USP54: variants seen among roughly 807,000 people sequenced by gnomAD.
USP54 encodes the protein ubiquitin specific peptidase 54, also known as ubiquitin carboxyl-terminal hydrolase 54.
USP54 carries 87 observed loss-of-function variants against 170.5 expected under a neutral mutation model. The ratio of observed to expected loss-of-function variants is 0.51; its 90% CI spans 0.43 to 0.61. USP54 has a LOEUF of 0.61. Among genes scored for constraint, USP54 ranks in the 20% least tolerant of loss-of-function variants. USP54 has a pLI of 0.00. For synonymous variants in USP54, 655 were observed against 742.8 expected (o/e 0.88, Z 1.92); for missense variants, 1,786 against 2,047.8 (o/e 0.87, Z 2.47).
chr10:73,545,621 T>C lies in USP54; in HGVS notation c.292A>G (p.Thr98Ala), dbSNP rs544511191. 6.8e-6 allele frequency: 11 copies of C among 1,614,092 alleles called. No individual in the cohort carries two copies. In the African/African-American group the frequency reaches 1.3e-4, roughly 20 times the overall value. ...CSSEKVLPSD[T>A]LRSALAKTFQ... is the part of the protein sequence containing the mutation. ...GTCTTTGCCAGAGCACTGCGGAGAG[T>C]GTCAGATGGAAGCACTTTTTCACTA... Residue 98 changes from threonine to alanine, a missense_variant, in exon 5 of 24, where the codon ACT (threonine) becomes GCT (alanine). By Grantham distance (58) the Thr-to-Ala change is moderately conservative. Around this residue, in one of 3 missense-constraint regions of USP54, gnomAD observed 361 missense variants for 455.0 expected, o/e 0.79. Transcript: ENST00000687698.
At chr10:73,561,432 C>T (rs181740774) in intron 4 of USP54, among the ~76,000 whole-genome samples, 39 of 152,140 alleles carry the variant, frequency 2.6e-4, no homozygotes, top group African/African-American at 8.9e-4. Context: ...TAAGGCCAGC[C>T]TGGACAACAT....
At chr10:73,562,415 C>T (rs911994830) in intron 4 of USP54, among the ~76,000 whole-genome samples, 3 of 152,208 alleles carry the variant, frequency 2.0e-5, no homozygotes, top group Non-Finnish European at 4.4e-5. Flanking sequence ...TTCTACAGAA[C>T]ACAACTATCC....
chr10:73,617,075 A>G (rs2080701753), intron 1 of USP54, among the ~76,000 whole-genome samples: 1 of 150,580 alleles, frequency 6.6e-6, no homozygotes, highest in Admixed American at 6.6e-5. Context: ...AGGCGGGCAG[A>G]TCACCTAAGG....
intron 20 of USP54, among the ~76,000 whole-genome samples, chr10:73,509,871 G>T (rs868550094): frequency 7.2e-5 from 11 of 152,122 alleles, no homozygotes; most frequent in South Asian, 6.2e-4. Context: ...TTGGTCGGAT[G>T]TGGTGGTGTG....
chr10:73,578,876 C>T (rs928222500), intron 1 of USP54, among the ~76,000 whole-genome samples: 1 of 151,836 alleles, frequency 6.6e-6, no homozygotes, highest in Non-Finnish European at 1.5e-5. Flanking sequence ...AAACAAAAAA[C>T]CTAAAACTAT....
chr10:73,545,721 ACTT>A (rs757560627), intron 4 of USP54, 49 bp from the exon 5 acceptor site: 71 of 1,595,592 alleles, frequency 4.4e-5, no homozygotes, highest in Non-Finnish European at 6.0e-5. Context: ...CTGTTATTAA[ACTT>A]CTATACATCC....
At chr10:73,598,560 C>G (rs1311854668) in intron 1 of USP54, among the ~76,000 whole-genome samples, 2 of 152,042 alleles carry the variant, frequency 1.3e-5, no homozygotes, top group African/African-American at 4.8e-5. Context: ...CCGATCACAA[C>G]AAGGTCAGGA....
chr10:73,549,129 A>C (rs1470472052), intron 4 of USP54, among the ~76,000 whole-genome samples: 7 of 152,136 alleles, frequency 4.6e-5, no homozygotes, highest in African/African-American at 1.2e-4. Context: ...TTCCTACCTC[A>C]GTGGTCAATG....
chr10:73,559,390 G>T (rs1293387552), intron 4 of USP54, among the ~76,000 whole-genome samples: 7 of 151,876 alleles, frequency 4.6e-5, no homozygotes. Context: ...GAGAAACCCT[G>T]TCTCTACTAA....
At chr10:73,618,986 G>A (rs2080873212) in intron 1 of USP54, among the ~76,000 whole-genome samples, 1 of 149,766 alleles carries the variant, frequency 6.7e-6, no homozygotes, top group South Asian at 2.1e-4. Context: ...ACCGAGGCAG[G>A]CAGATCACCT....
Position 73,545,522 on chromosome 10 carries a change from A to G in USP54, c.375+16T>C. ...GTCCCACCCCATATCAAAGAGGGCC[A>G]GAGGCCAGCACTTACAAAGCACTCT... On this transcript the variant is annotated intron_variant, in intron 5 of 23. Transcript: ENST00000687698. The G allele has an allele frequency of 6.2e-7, 1 of 1,613,790 alleles. No homozygotes were observed. Among genetic ancestry groups the G allele is most frequent in the Non-Finnish European group, 8.5e-7 (1 of 1,179,736 alleles).
At chr10:73,546,015 G>A (rs1438238644) in intron 4 of USP54, among the ~76,000 whole-genome samples, 2 of 152,104 alleles carry the variant, frequency 1.3e-5, no homozygotes, top group African/African-American at 2.4e-5. Flanking sequence ...AAAATTACAC[G>A]TAAACGTTAT....
chr10:73,534,996 C>G (rs2064933326), intron 11 of USP54, among the ~76,000 whole-genome samples: 1 of 152,130 alleles, frequency 6.6e-6, no homozygotes, highest in African/African-American at 2.4e-5. Context: ...TGCTGAAGCC[C>G]TCACTTTGCC....
chr10:73,539,116 TA>T (rs2065953891), intron 10 of USP54, among the ~76,000 whole-genome samples: 1 of 151,512 alleles, frequency 6.6e-6, no homozygotes, highest in African/African-American at 2.4e-5. Context: ...CTGTCTCTAC[TA>T]AAAATACAAA....
intron 1 of USP54, among the ~76,000 whole-genome samples, chr10:73,584,153 G>T (rs897032921): frequency 6.6e-6 from 1 of 152,180 alleles, no homozygotes; most frequent in African/African-American, 2.4e-5. Flanking sequence ...ACTTTGGGAG[G>T]CCGAGGCGGA....
At chr10:73,554,881 G>A (rs2070565750) in intron 4 of USP54, among the ~76,000 whole-genome samples, 1 of 152,222 alleles carries the variant, frequency 6.6e-6, no homozygotes, top group South Asian at 2.1e-4. Context: ...AGCACTTTGG[G>A]AGGATGGCTT....
At chr10:73,541,817 C>G (rs974140396) in intron 7 of USP54, 79 bp from the exon 8 acceptor site, 2 of 1,420,176 alleles carry the variant, frequency 1.4e-6, no homozygotes, top group Non-Finnish European at 2.0e-6. Flanking sequence ...ACATTCCTAA[C>G]TCACACATTT....
intron 1 of USP54, among the ~76,000 whole-genome samples, chr10:73,577,685 C>T (rs756926206): frequency 1.3e-5 from 2 of 152,160 alleles, no homozygotes; most frequent in Admixed American, 6.5e-5. Flanking sequence ...TGGTAAGTGG[C>T]AGATCTAGAA....
rs758307474 is a variant in USP54, at chr10:73,521,010, C to G, written c.2380G>C (p.Glu794Gln). The change falls in exon 18 of 24, where the codon GAG becomes CAG. Residue 794 changes from glutamate (E) to glutamine (Q), a missense_variant. Glu to Gln is a conservative substitution (Grantham distance 29, BLOSUM62 2). Transcript: ENST00000687698. ...GACTCTGCCTCTTGCAGGGACCTCT[C>G]AAAGCCGTCACTCCTCCCTGAAAGG... ...LQNQGRSDGF[E>Q]RSLQEAESVF... 6.2e-7 allele frequency: 1 copy of G among 1,614,012 alleles called. No individual in the cohort carries two copies. The highest frequency in any genetic ancestry group is 8.5e-7 in the Non-Finnish European group (1 of 1,180,040).
Sources: gnomAD v4.1 joint callset for allele counts (sites outside exome capture counted in the v4.1 genomes callset) on GRCh38, gnomAD v4.1.1 for gene constraint, gnomAD v4.1.1 regional missense constraint, MANE v1.5 for transcripts, NCBI Gene and HGNC (gene_info 2026-07-23, HGNC 2026-07-21) for gene names.